Variants in ARHGAP42 observed in about 807,000 individuals in gnomAD.
ARHGAP42 encodes rho GTPase-activating protein 42.
In ARHGAP42, 63 loss-of-function variants were observed where a neutral mutation model predicts 125.0. That is an observed-to-expected ratio of 0.50 (90% CI 0.41 to 0.62). ARHGAP42 has a LOEUF of 0.62. Among genes scored for constraint, ARHGAP42 ranks in the 20% least tolerant of loss-of-function variants. The pLI is 0.00. For synonymous variants in ARHGAP42, 339 were observed against 351.0 expected, an observed-to-expected ratio of 0.97 and a Z score of 0.38; for missense variants, 766 against 1,024.2, an observed-to-expected ratio of 0.75 and a Z score of 3.44.
At chr11:100,816,638 T>C (rs2135068470) in intron 3 of ARHGAP42, 1 of 152,358 alleles carries the variant, frequency 6.6e-6, no homozygotes, top group East Asian at 1.9e-4. Flanking sequence ...TTGGATAATT[T>C]AGTCATTCAA....
At chr11:100,863,924 C>T (rs766004226) in intron 4 of ARHGAP42, among the ~76,000 whole-genome samples, 9 of 152,126 alleles carry the variant, frequency 5.9e-5, no homozygotes, top group Non-Finnish European at 8.8e-5. Context: ...TATCTGTAAT[C>T]GTCGTATTAG....
rs565210142 is a variant in ARHGAP42, at chr11:100,939,689, T to C, written c.833-2095T>C. Among the ~76,000 whole-genome samples the C allele has an allele frequency of 4.6e-5, 7 of 152,332 alleles. No homozygotes were observed. In the South Asian group the frequency reaches 1.4e-3, roughly 32 times the overall value. ...TTAAACATCTTTTATTTTGCAACTTTAGAGCTGTAATCTATTTTTATTTTC... is the reference window on the plus strand; with the variant it reads ...TTAAACATCTTTTATTTTGCAACTTCAGAGCTGTAATCTATTTTTATTTTC... On this transcript the variant is annotated intron_variant, in intron 8 of 23. Transcript: ENST00000298815.
At chr11:100,880,522 C>T (rs577516515) in intron 4 of ARHGAP42, among the ~76,000 whole-genome samples, 28 of 152,190 alleles carry the variant, frequency 1.8e-4, no homozygotes, top group African/African-American at 2.2e-4. Flanking sequence ...GGGTTGGTTC[C>T]GCCTTTTTGC....
At chr11:100,820,352 C>T (rs1049841955) in intron 3 of ARHGAP42, among the ~76,000 whole-genome samples, 1 of 152,030 alleles carries the variant, frequency 6.6e-6, no homozygotes, top group Non-Finnish European at 1.5e-5. Context: ...CCATATTTGC[C>T]TATTTGCCAA....
Position 100,707,418 on chromosome 11 carries a change from C to A in ARHGAP42, c.154+19586C>A, listed in dbSNP as rs180689075. Among the ~76,000 whole-genome samples, 101 of 152,266 alleles carry A rather than the reference C, an allele frequency of 6.6e-4. 2 individuals are homozygous for A. Among genetic ancestry groups the A allele is most frequent in the Non-Finnish European group, 3.1e-4 (21 of 67,998 alleles). On this transcript the variant is annotated intron_variant, in intron 1 of 23. Transcript: ENST00000298815. ...TATTTAAATTAATTATTTTTCGTAA[C>A]AAATTCAGACAGGGCCTTTATATGC...
At chr11:100,874,943 C>G (rs1370585340) in intron 4 of ARHGAP42, among the ~76,000 whole-genome samples, 1 of 152,102 alleles carries the variant, frequency 6.6e-6, no homozygotes, top group African/African-American at 2.4e-5. Flanking sequence ...TGACTCTGTT[C>G]TCTTTTACCT....
At chr11:100,952,629 A>G (rs1857688463) in intron 12 of ARHGAP42, among the ~76,000 whole-genome samples, 1 of 152,066 alleles carries the variant, frequency 6.6e-6, no homozygotes, top group Non-Finnish European at 1.5e-5. Flanking sequence ...CTACCAATGA[A>G]AGAAACCCTG....
At chr11:100,806,350 G>C (rs568814208) in intron 3 of ARHGAP42, among the ~76,000 whole-genome samples, 1 of 152,038 alleles carries the variant, frequency 6.6e-6, no homozygotes, top group Non-Finnish European at 1.5e-5. Context: ...ATATGCCCTC[G>C]ATAGGTGATA....
chr11:100,735,470 T>A (rs1862047164), intron 1 of ARHGAP42, among the ~76,000 whole-genome samples: 1 of 152,016 alleles, frequency 6.6e-6, no homozygotes, highest in Non-Finnish European at 1.5e-5. Flanking sequence ...GAATAGGAAA[T>A]AGGAATAGGA....
intron 3 of ARHGAP42, among the ~76,000 whole-genome samples, chr11:100,824,306 G>C (rs1306417638): frequency 6.6e-6 from 1 of 152,100 alleles, no homozygotes; most frequent in Non-Finnish European, 1.5e-5. Flanking sequence ...TTGTTTTTAA[G>C]TTAAAGTTTA....
chr11:100,885,654 A>G (rs1048964539), intron 4 of ARHGAP42, among the ~76,000 whole-genome samples: 38 of 152,338 alleles, frequency 2.5e-4, no homozygotes, highest in African/African-American at 8.7e-4. Context: ...TCATTGATTT[A>G]TCAAATACTA....
At chr11:100,868,455 G>A (rs2135154344) in intron 4 of ARHGAP42, among the ~76,000 whole-genome samples, 1 of 152,242 alleles carries the variant, frequency 6.6e-6, no homozygotes, top group African/African-American at 2.4e-5. Context: ...CTCACAACCA[G>A]CCTATTAAAT....
intron 3 of ARHGAP42, among the ~76,000 whole-genome samples, chr11:100,820,987 G>A (rs1459747935): frequency 1.3e-5 from 2 of 149,504 alleles, no homozygotes; most frequent in East Asian, 3.9e-4. Context: ...TTCTTTTTTA[G>A]TGCTTCCCTT....
At chr11:100,904,618 C>T (rs932889959) in intron 4 of ARHGAP42, among the ~76,000 whole-genome samples, 3 of 152,094 alleles carry the variant, frequency 2.0e-5, no homozygotes, top group Non-Finnish European at 4.4e-5. Context: ...TTTCTTTTGT[C>T]CTTTTTCTCC....
chr11:100,868,610 G>A (rs548005862), intron 4 of ARHGAP42, among the ~76,000 whole-genome samples: 5 of 151,794 alleles, frequency 3.3e-5, no homozygotes, highest in Non-Finnish European at 5.9e-5. Context: ...AGCACATTTG[G>A]TGCACAGAAG....
At chr11:100,786,339 A>T (rs948087511) in intron 2 of ARHGAP42, among the ~76,000 whole-genome samples, 3 of 152,364 alleles carry the variant, frequency 2.0e-5, no homozygotes, top group African/African-American at 7.2e-5. Context: ...AAATCTCAGT[A>T]AAGTTTTCTG....
In ARHGAP42 at chr11:100,702,651, G is replaced by A. The variant is rs1173030985; in HGVS notation, c.154+14819G>A. ...TTTCAATTTTAATAGAAACATCCAG[G>A]TGCCTAGGATATTTGTGTTCTTTTT... is the stretch of plus-strand genomic sequence containing the variant. On this transcript the variant is annotated intron_variant, in intron 1 of 23. Transcript: ENST00000298815. Among the ~76,000 whole-genome samples, 3 of 148,644 alleles carry A rather than the reference G, an allele frequency of 2.0e-5. No homozygotes were observed. In the Admixed American group the frequency reaches 2.0e-4, roughly 10 times the overall value.
chr11:100,854,281 T>C (rs796127791), intron 3 of ARHGAP42, among the ~76,000 whole-genome samples: 12 of 152,284 alleles, frequency 7.9e-5, no homozygotes, highest in African/African-American at 2.9e-4. Context: ...AGGAAAAGTA[T>C]TATTGCTGGT....
At chr11:100,794,918 C>T (rs1258811909) in intron 2 of ARHGAP42, among the ~76,000 whole-genome samples, 187 bp from the exon 3 acceptor site, 4 of 151,856 alleles carry the variant, frequency 2.6e-5, no homozygotes, top group Non-Finnish European at 5.9e-5. Flanking sequence ...TGATTAGGAT[C>T]CTATTGTATA....
Sources: gnomAD v4.1 joint callset for allele counts (sites outside exome capture counted in the v4.1 genomes callset) on GRCh38, gnomAD v4.1.1 for gene constraint, MANE v1.5 for transcripts, NCBI Gene and HGNC (gene_info 2026-07-23, HGNC 2026-07-21) for gene names.